The following GRIA4 variants were observed in gnomAD, a reference collection of about 807,000 sequenced individuals.
GRIA4 encodes the protein glutamate ionotropic receptor AMPA type subunit 4.
GRIA4 carries 34 observed loss-of-function variants against 104.0 expected under a neutral mutation model. That is an observed-to-expected ratio of 0.33 (90% CI 0.25 to 0.44). GRIA4 has a LOEUF of 0.44. Ranked by LOEUF, GRIA4 falls within the 20% of genes least tolerant of loss-of-function variation. GRIA4 has a pLI of 1.00. For missense variants in GRIA4, 750 were observed against 1,096.5 expected (o/e 0.68, Z 4.46); for synonymous variants, 386 against 381.9 (o/e 1.01, Z -0.13).
rs945304371 is a variant in GRIA4, at chr11:105,835,616, T to C, written c.488-26408T>C. On this transcript the variant is annotated intron_variant, in intron 4 of 16. Transcript: ENST00000282499. ...GCCATGGATTTTTATTAAATGATTA[T>C]CTCACTAAAATTTGTGATTCATTAG... 2.0e-5 allele frequency among the ~76,000 whole-genome samples: 3 copies of C among 152,104 alleles called. No homozygotes were observed. In the South Asian group the frequency reaches 6.2e-4, roughly 31 times the overall value.
At chr11:105,620,985 G>T (rs1216617478) in intron 3 of GRIA4, among the ~76,000 whole-genome samples, 1 of 151,600 alleles carries the variant, frequency 6.6e-6, no homozygotes, top group African/African-American at 2.4e-5. Context: ...TCTCAAAATT[G>T]CTCATTTTTA....
At chr11:105,855,211 A>C (rs1273242631) in intron 4 of GRIA4, among the ~76,000 whole-genome samples, 4 of 152,132 alleles carry the variant, frequency 2.6e-5, no homozygotes, top group African/African-American at 9.7e-5. Context: ...TCCATGGTGA[A>C]ACCCCCTTTG....
intron 5 of GRIA4, among the ~76,000 whole-genome samples, chr11:105,878,726 C>T (rs1052186019): frequency 2.6e-5 from 4 of 152,136 alleles, no homozygotes; most frequent in Non-Finnish European, 4.4e-5. Context: ...GGGGTAATGG[C>T]AGAGGCCCTT....
intron 3 of GRIA4, among the ~76,000 whole-genome samples, chr11:105,617,701 T>C (rs1228348795): frequency 1.3e-5 from 2 of 152,056 alleles, no homozygotes; most frequent in African/African-American, 4.8e-5. Flanking sequence ...TTAGATAAGA[T>C]AATGAATTAT....
chr11:105,698,448 C>T (rs556250956), intron 3 of GRIA4, among the ~76,000 whole-genome samples: 1 of 152,246 alleles, frequency 6.6e-6, no homozygotes, highest in East Asian at 1.9e-4. Flanking sequence ...CAGTGGCACT[C>T]AGCTGGGGTC....
intron 4 of GRIA4, among the ~76,000 whole-genome samples, chr11:105,790,271 ATC>A (rs1310924981): frequency 6.6e-6 from 1 of 152,198 alleles, no homozygotes; most frequent in Non-Finnish European, 1.5e-5. Context: ...TCAGAGAGAC[ATC>A]TGTTACCTTT....
rs112786972 is a variant in GRIA4 at position 105,981,553 on chromosome 11, T to TCACACACACACACACACACACACACA, written c.*1827_*1852dup. ...TAAGAGCAATCTTAAACAGTATAAA[T>TCACACACACACACACACACACACACA]CACACACACACACACACACACACAC... is the stretch of plus-strand genomic sequence containing the variant. On this transcript the variant is annotated 3_prime_UTR_variant, in exon 17 of 17. Transcript: ENST00000282499. 1.5e-5 allele frequency: 2 copies of TCACACACACACACACACACACACACA among 134,020 alleles called. No homozygotes were observed. The highest frequency in any genetic ancestry group is 5.2e-4 in the South Asian group (2 of 3,866). 8.3% of individuals were successfully genotyped at this position (134,020 alleles called of 1,614,324 possible). A position where few individuals can be genotyped will look rare whatever the true frequency, so the allele number is the denominator to read the frequency against.
chr11:105,850,653 A>C (rs1944774724), intron 4 of GRIA4, among the ~76,000 whole-genome samples: 1 of 152,186 alleles, frequency 6.6e-6, no homozygotes, highest in Admixed American at 6.5e-5. Context: ...AACTGTGTTC[A>C]TTATTGTAAT....
At chr11:105,835,217 C>A (rs1485719705) in intron 4 of GRIA4, among the ~76,000 whole-genome samples, 1 of 151,650 alleles carries the variant, frequency 6.6e-6, no homozygotes, top group Non-Finnish European at 1.5e-5. Context: ...AATTATATTG[C>A]CAACTTGTAA....
intron 4 of GRIA4, among the ~76,000 whole-genome samples, chr11:105,768,802 G>A (rs1225809915): frequency 1.3e-5 from 2 of 151,978 alleles, no homozygotes; most frequent in African/African-American, 4.8e-5. Flanking sequence ...TATAGACTTA[G>A]CAAAGAGAAA....
chr11:105,655,025 C>A (rs926871819), intron 3 of GRIA4, among the ~76,000 whole-genome samples: 1 of 152,120 alleles, frequency 6.6e-6, no homozygotes, highest in Non-Finnish European at 1.5e-5. Context: ...AGCATGGCAA[C>A]CAGGAGAAGG....
Position 105,980,605 on chromosome 11 carries a change from T to A in GRIA4, c.*866T>A, listed in dbSNP as rs908429055. The A allele has an allele frequency of 7.3e-5, 11 of 151,536 alleles. No homozygotes were observed. The allele number at this position is 151,536 out of a possible 1,614,324, so 9.4% of individuals were successfully genotyped here. ...GTCTGCGGTGTAGACTCGAAAGAGA[T>A]GACAGGTCACTCATGTTAATGGTAT... On this transcript the variant is annotated 3_prime_UTR_variant, in exon 17 of 17. Coordinates refer to ENST00000282499, the MANE Select transcript of GRIA4 (RefSeq NM_000829.4).
intron 5 of GRIA4, among the ~76,000 whole-genome samples, chr11:105,874,392 C>T: frequency 6.6e-6 from 1 of 152,106 alleles, no homozygotes; most frequent in Non-Finnish European, 1.5e-5. Context: ...ATTGTCTTGG[C>T]TATACAGCCT....
chr11:105,732,057 G>T (rs1938629664), intron 3 of GRIA4, among the ~76,000 whole-genome samples: 1 of 152,020 alleles, frequency 6.6e-6, no homozygotes, highest in Non-Finnish European at 1.5e-5. Context: ...GTACTAAGAA[G>T]CACAGAAGAG....
intron 3 of GRIA4, among the ~76,000 whole-genome samples, chr11:105,663,945 G>T (rs912889559): frequency 2.6e-5 from 4 of 151,478 alleles, no homozygotes; most frequent in Non-Finnish European, 5.9e-5. Flanking sequence ...AACTTTTGGA[G>T]ATAGATGCAC....
At chr11:105,714,612 G>A (rs753198874) in intron 3 of GRIA4, among the ~76,000 whole-genome samples, 17 of 151,892 alleles carry the variant, frequency 1.1e-4, no homozygotes, top group Non-Finnish European at 2.1e-4. Flanking sequence ...ATCATCTTAG[G>A]AGATATATTT....
rs1859218708 is a variant in GRIA4 at position 105,980,606 on chromosome 11, G to A, written c.*867G>A. ...TCTGCGGTGTAGACTCGAAAGAGAT[G>A]ACAGGTCACTCATGTTAATGGTATT... is the stretch of plus-strand genomic sequence containing the variant. On this transcript the variant is annotated 3_prime_UTR_variant, in exon 17 of 17. Transcript: ENST00000282499. The A allele has an allele frequency of 1.3e-5, 2 of 150,914 alleles. No homozygotes were observed. Among genetic ancestry groups the A allele is most frequent in the Admixed American group, 1.3e-4 (2 of 15,122 alleles). 9.3% of individuals were successfully genotyped at this position (150,914 alleles called of 1,614,324 possible). A position where few individuals can be genotyped will look rare whatever the true frequency, so the allele number is the denominator to read the frequency against.
At chr11:105,974,620 T>C (rs1439044477) in intron 16 of GRIA4, 176 bp downstream of exon 16, 7 of 1,511,394 alleles carry the variant, frequency 4.6e-6, no homozygotes, top group Non-Finnish European at 6.3e-6. Context: ...TGTTGTGACC[T>C]GTCTGTCCAG....
intron 4 of GRIA4, among the ~76,000 whole-genome samples, chr11:105,753,612 A>G (rs981441982): frequency 6.6e-6 from 1 of 152,072 alleles, no homozygotes; most frequent in Non-Finnish European, 1.5e-5. Flanking sequence ...CTTCCATTCA[A>G]TCCTGACATT....
Sources: gnomAD v4.1 joint callset for allele counts (sites outside exome capture counted in the v4.1 genomes callset) on GRCh38, gnomAD v4.1.1 for gene constraint, MANE v1.5 for transcripts, NCBI Gene and HGNC (gene_info 2026-07-23, HGNC 2026-07-21) for gene names.